GSR: variants seen among roughly 807,000 people sequenced by gnomAD.
GSR encodes glutathione reductase, mitochondrial.
In GSR, 48 loss-of-function variants were observed where a neutral mutation model predicts 56.5. That is an observed-to-expected ratio of 0.85 (90% CI 0.67 to 1.08). The LOEUF is 1.08. Ranked by LOEUF, GSR falls within the 50% of genes least tolerant of loss-of-function variation. GSR has a pLI of 0.00. For missense variants in GSR, 694 were observed against 703.3 expected (o/e 0.99, Z 0.15); for synonymous variants, 264 against 270.8 (o/e 0.97, Z 0.25).
At chr8:30,680,251 T>G (rs917217396) in intron 12 of GSR, among the ~76,000 whole-genome samples, 12 of 151,802 alleles carry the variant, frequency 7.9e-5, no homozygotes, top group Non-Finnish European at 1.8e-4. Flanking sequence ...GTATTTTTAG[T>G]AGAGATGGGG....
chr8:30,709,754 C>T (rs1476152659), intron 3 of GSR, 60 bp downstream of exon 3: 1 of 938,550 alleles, frequency 1.1e-6, no homozygotes, highest in Non-Finnish European at 1.8e-6. Flanking sequence ...GTTTATGGCT[C>T]AGTTATAAAA....
intron 6 of GSR, among the ~76,000 whole-genome samples, chr8:30,699,311 C>T (rs886750945): frequency 6.6e-6 from 1 of 151,596 alleles, no homozygotes; most frequent in Non-Finnish European, 1.5e-5. Flanking sequence ...AATGTTTGTT[C>T]ATTAAAAGAA....
intron 1 of GSR, among the ~76,000 whole-genome samples, chr8:30,713,936 T>C (rs893624780): frequency 3.3e-5 from 5 of 152,126 alleles, no homozygotes; most frequent in Non-Finnish European, 7.3e-5. Context: ...AAGTAGTAAA[T>C]AGTTATACAT....
chr8:30,679,822 C>T (rs900819995), intron 12 of GSR, among the ~76,000 whole-genome samples, 153 bp from the exon 13 acceptor site: 1 of 151,652 alleles, frequency 6.6e-6, no homozygotes, highest in Admixed American at 6.6e-5. Flanking sequence ...TCTCCTGCCT[C>T]AGCCTCCCGA....
intron 5 of GSR, among the ~76,000 whole-genome samples, chr8:30,702,423 A>C (rs1036440934): frequency 2.0e-5 from 3 of 152,214 alleles, no homozygotes; most frequent in Non-Finnish European, 4.4e-5. Context: ...TCTCTACTTA[A>C]AAGAGAAAAA....
Position 30,678,897 on chromosome 8 carries a change from C to G in GSR, c.*623G>C, listed in dbSNP as rs1802837676. On this transcript the variant is annotated 3_prime_UTR_variant, in exon 13 of 13. Transcript: ENST00000221130. ...TGGCACAGTGGCTCACGCCTGTAAT[C>G]TCAGCACCTCAGGAGGCCGAGGTGG... 1 of 153,048 alleles carries G rather than the reference C, an allele frequency of 6.5e-6. No individual in the cohort carries two copies. Among genetic ancestry groups the G allele is most frequent in the Non-Finnish European group, 1.5e-5 (1 of 68,760 alleles). The allele number at this position is 153,048 out of a possible 1,614,324, so 9.5% of individuals were successfully genotyped here.
At chr8:30,713,574 G>C (rs1804227746) in intron 1 of GSR, among the ~76,000 whole-genome samples, 1 of 151,850 alleles carries the variant, frequency 6.6e-6, no homozygotes. Context: ...GGCCAGGCTG[G>C]TCTCGAACTC....
At chr8:30,721,317 T>C (rs371639749) in intron 1 of GSR, among the ~76,000 whole-genome samples, 10 of 152,214 alleles carry the variant, frequency 6.6e-5, no homozygotes, top group Admixed American at 2.6e-4. Context: ...ACCTAGTGAA[T>C]AGAAGGTAAT....
intron 6 of GSR, among the ~76,000 whole-genome samples, chr8:30,698,884 A>C (rs8190980): frequency 0.019 from 2,953 of 152,246 alleles, 93 homozygotes; most frequent in African/African-American, 0.066. Context: ...TCCAGGCATC[A>C]CCTCTTCTCA....
chr8:30,699,415 C>G (rs1450760410), intron 6 of GSR, among the ~76,000 whole-genome samples: 1 of 151,750 alleles, frequency 6.6e-6, no homozygotes, highest in Non-Finnish European at 1.5e-5. Flanking sequence ...TTGAGACCAG[C>G]CTGACCAACA....
chr8:30,712,073 C>T lies in GSR; in HGVS notation c.322G>A (p.Val108Ile). 1.4e-6 allele frequency: 2 copies of T among 1,410,192 alleles called. No individual in the cohort carries two copies. The highest frequency in any genetic ancestry group is 2.0e-6 in the Non-Finnish European group (2 of 1,003,666). 87.4% of individuals were successfully genotyped at this position (1,410,192 alleles called of 1,614,324 possible). A position where few individuals can be genotyped will look rare whatever the true frequency, so the allele number is the denominator to read the frequency against. Residue 108 changes from valine to isoleucine, a missense_variant, in exon 2 of 13, where the codon GTA (valine) becomes ATA (isoleucine). By Grantham distance (29) the Val-to-Ile change is conservative (BLOSUM62 3). Coordinates refer to ENST00000221130, the MANE Select transcript of GSR (RefSeq NM_000637.5). The part of the protein sequence containing the change: ...LGGTCVNVGC[V>I]PKKVMWNTAV... ...AATAAAAATTCTACCTTTTTGGGTA[C>T]ACATCCAACATTCACCTGGAAAAAA...
chr8:30,700,723 C>CAAAAAAAAAAAAA (rs55702917), intron 5 of GSR, among the ~76,000 whole-genome samples: 1,322 of 79,956 alleles, frequency 0.017, 186 homozygotes, highest in Non-Finnish European at 0.024. Flanking sequence ...ATTTTGTCTC[C>CAAAAAAAAAAAAA]AAAAAAAAAA....
intron 9 of GSR, among the ~76,000 whole-genome samples, chr8:30,685,781 G>T (rs367635057): frequency 1.3e-5 from 2 of 151,930 alleles, no homozygotes; most frequent in South Asian, 2.1e-4. Context: ...TTTGAGACCA[G>T]CCTGGCCAAC....
chr8:30,702,947 T>C (rs1803791967), intron 5 of GSR, 146 bp downstream of exon 5: 1 of 823,878 alleles, frequency 1.2e-6, no homozygotes, highest in Admixed American at 2.0e-5. Flanking sequence ...CTAAGCCAAC[T>C]GGAGTTAGGT....
intron 5 of GSR, 92 bp from the exon 6 acceptor site, chr8:30,700,227 A>G: frequency 1.1e-6 from 1 of 921,636 alleles, no homozygotes; most frequent in Non-Finnish European, 1.8e-6. Context: ...AAACACTTTC[A>G]CAGCCAACAT....
chr8:30,684,480 T>C (rs553898716), intron 9 of GSR, among the ~76,000 whole-genome samples: 14 of 152,240 alleles, frequency 9.2e-5, no homozygotes, highest in Non-Finnish European at 1.9e-4. Flanking sequence ...AGTGAGACCC[T>C]GCCTCTGTTA....
chr8:30,687,420 T>C, intron 9 of GSR: 1 of 151,988 alleles, frequency 6.6e-6, no homozygotes, highest in Non-Finnish European at 1.5e-5. Flanking sequence ...CCACGGTGGG[T>C]GGATCACCTG....
At chr8:30,707,872 G>A (rs552501219) in intron 4 of GSR, among the ~76,000 whole-genome samples, 200 bp downstream of exon 4, 29 of 152,170 alleles carry the variant, frequency 1.9e-4, no homozygotes, top group Admixed American at 1.8e-3. Context: ...CAGGAGAATT[G>A]CTTGAACTCA....
rs112833127 is a variant in GSR, at chr8:30,684,051, G to A, written c.1153+37C>T. On this transcript the variant is annotated intron_variant, in intron 10 of 12. Transcript: ENST00000221130. ...AAGAGCCAGATGGATCATGTAACAC[G>A]CAGACCCTCCCTCACCAAGAAGGGA... is the stretch of plus-strand genomic sequence containing the variant. 5.2e-5 allele frequency: 55 copies of A among 1,053,100 alleles called. 2 individuals are homozygous for A. The Middle Eastern group carries it at 8.1e-4, about 15-fold the overall frequency. 65.2% of individuals were successfully genotyped at this position (1,053,100 alleles called of 1,614,324 possible).
Sources: gnomAD v4.1 joint callset for allele counts (sites outside exome capture counted in the v4.1 genomes callset) on GRCh38, gnomAD v4.1.1 for gene constraint, MANE v1.5 for transcripts, NCBI Gene and HGNC (gene_info 2026-07-23, HGNC 2026-07-21) for gene names.